The following PUDP variants were observed in gnomAD, a reference collection of about 807,000 sequenced individuals.
The protein encoded by PUDP is pseudouridine-5'-phosphatase.
Under a neutral mutation model 9.4 loss-of-function variants are expected in PUDP, and 8 were observed. That is an observed-to-expected ratio of 0.85 (90% CI 0.50 to 1.53). The LOEUF is 1.53. PUDP is among the 40% of genes most tolerant of loss of function. The pLI is 0.00. For synonymous variants in PUDP, 99 were observed against 80.7 expected (o/e 1.23, Z -1.22); for missense variants, 188 against 189.7 (o/e 0.99, Z 0.05).
At chrX:6,974,593 T>C (rs1177276712) in intron 3 of PUDP, among the ~76,000 whole-genome samples, 1 of 112,319 alleles carries the variant, frequency 8.9e-6, no homozygotes, top group East Asian at 2.8e-4. Context: ...GTTAGTCTGA[T>C]GGGCTTCCCT....
intron 3 of PUDP, among the ~76,000 whole-genome samples, chrX:6,907,364 AG>A (rs1218832298): frequency 1.8e-5 from 2 of 111,767 alleles, no homozygotes; most frequent in African/African-American, 6.5e-5. Context: ...ACCGAATCTC[AG>A]GTGTGTCCTT....
chrX:6,913,337 T>A (rs1927876364), intron 3 of PUDP, among the ~76,000 whole-genome samples: 1 of 112,002 alleles, frequency 8.9e-6, no homozygotes, highest in Non-Finnish European at 1.9e-5. Flanking sequence ...ATATTTTGGA[T>A]CTACAAAACT....
chrX:6,948,507 C>T (rs1342269376), intron 3 of PUDP, among the ~76,000 whole-genome samples: 1 of 111,904 alleles, frequency 8.9e-6, no homozygotes, highest in Non-Finnish European at 1.9e-5. Context: ...CACATATCCA[C>T]TGGGGAGTTT....
chrX:7,135,714 C>G (rs1185725857), intron 1 of PUDP, among the ~76,000 whole-genome samples: 1 of 112,038 alleles, frequency 8.9e-6, no homozygotes. Flanking sequence ...TTTAGTGGTT[C>G]ATGCTTAAGA....
chrX:7,097,792 T>C (rs1931615068), intron 2 of PUDP, among the ~76,000 whole-genome samples: 1 of 111,147 alleles, frequency 9.0e-6, no homozygotes, highest in African/African-American at 3.3e-5. Context: ...GGTGTATCTG[T>C]TAACAGCCAG....
chrX:6,896,350 A>G (rs1415325646), intron 3 of PUDP, among the ~76,000 whole-genome samples: 1 of 112,080 alleles, frequency 8.9e-6, no homozygotes, highest in Non-Finnish European at 1.9e-5. Flanking sequence ...GTGAATTTGA[A>G]CATCTAATGT....
At chrX:6,771,954 C>A (rs759273378) in intron 3 of PUDP, among the ~76,000 whole-genome samples, 1 of 112,658 alleles carries the variant, frequency 8.9e-6, no homozygotes, top group Admixed American at 9.4e-5. Flanking sequence ...CCTCCAAACC[C>A]TCAACAAAAA....
At chrX:6,833,198 T>C (rs1926530323) in intron 3 of PUDP, among the ~76,000 whole-genome samples, 1 of 112,520 alleles carries the variant, frequency 8.9e-6, no homozygotes, top group Non-Finnish European at 1.9e-5. Flanking sequence ...CATATACTTA[T>C]GAAGTTTATA....
intron 1 of PUDP, among the ~76,000 whole-genome samples, chrX:7,001,743 C>T (rs1929327542): frequency 9.0e-6 from 1 of 111,145 alleles, no homozygotes; most frequent in African/African-American, 3.3e-5. Context: ...GGTACTAGGA[C>T]AAGGGGTTAT....
At chrX:6,978,662 C>A (rs776578223) in intron 1 of PUDP, among the ~76,000 whole-genome samples, 2 of 112,143 alleles carry the variant, frequency 1.8e-5, no homozygotes, top group Non-Finnish European at 3.8e-5. Flanking sequence ...AAAAGAATAA[C>A]TAAAAAATCT....
intron 3 of PUDP, among the ~76,000 whole-genome samples, chrX:6,758,908 G>A (rs1217891377): frequency 3.6e-5 from 4 of 111,940 alleles, no homozygotes; most frequent in Non-Finnish European, 7.5e-5. Flanking sequence ...GCACATGTAG[G>A]CTATGATTAC....
Position 7,003,402 on chromosome X carries a change from G to A in PUDP, c.205-25059C>T, listed in dbSNP as rs190944975. ...TTCTGTGACTCAAGGTGTTGGGTGC[G>A]GTGGCCAATGTATTGTGAGTCCTGA... On this transcript the variant is annotated intron_variant and NMD_transcript_variant, in intron 1 of 3. Coordinates refer to the PUDP transcript ENST00000655425. Among the ~76,000 whole-genome samples, 147 of 111,032 alleles carry A rather than the reference G, an allele frequency of 1.3e-3. 1 individual carries two copies. The highest frequency in any genetic ancestry group is 9.3e-4 in the Non-Finnish European group (49 of 52,969).
chrX:7,040,082 A>G (rs1929901566), intron 1 of PUDP, among the ~76,000 whole-genome samples: 1 of 112,187 alleles, frequency 8.9e-6, no homozygotes, highest in African/African-American at 3.2e-5. Flanking sequence ...TGCCATTTTC[A>G]TATAACTCTC....
chrX:6,941,163 T>C (rs895595617), intron 3 of PUDP, among the ~76,000 whole-genome samples: 2 of 110,840 alleles, frequency 1.8e-5, no homozygotes, highest in Non-Finnish European at 3.8e-5. Context: ...ATTGTGTATC[T>C]ACTATGTACC....
intron 2 of PUDP, among the ~76,000 whole-genome samples, chrX:7,104,203 T>C (rs1296144782): frequency 2.7e-5 from 3 of 112,227 alleles, no homozygotes; most frequent in South Asian, 3.7e-4. Context: ...TAACATACCA[T>C]AGAATATTGT....
At chrX:6,741,828 CTCTT>C (rs1186498408) in intron 3 of PUDP, among the ~76,000 whole-genome samples, 855 of 69,332 alleles carry the variant, frequency 0.012, 6 homozygotes, top group Non-Finnish European at 0.016. Flanking sequence ...CTCTCTCTCT[CTCTT>C]TCTTTCTTTC....
intron 3 of PUDP, among the ~76,000 whole-genome samples, chrX:6,914,303 CTGTTTTCT>C (rs1343728381): frequency 1.8e-5 from 2 of 111,486 alleles, no homozygotes; most frequent in Non-Finnish European, 3.8e-5. Context: ...GATGGACACA[CTGTTTTCT>C]TGTTTTCTTG....
chrX:6,755,106 C>G (rs1174501710), intron 3 of PUDP, among the ~76,000 whole-genome samples: 1 of 111,538 alleles, frequency 9.0e-6, no homozygotes, highest in African/African-American at 3.3e-5. Context: ...AGAGAAGCTT[C>G]ATTCAGGCAT....
intron 3 of PUDP, among the ~76,000 whole-genome samples, chrX:6,943,035 C>T (rs769286423): frequency 9.8e-5 from 11 of 112,134 alleles, no homozygotes; most frequent in Non-Finnish European, 1.9e-4. Context: ...CAAATGAAAC[C>T]GATGCACCCA....
Sources: gnomAD v4.1 joint callset for allele counts (sites outside exome capture counted in the v4.1 genomes callset) on GRCh38, gnomAD v4.1.1 for gene constraint, MANE v1.5 for transcripts, NCBI Gene and HGNC (gene_info 2026-07-23, HGNC 2026-07-21) for gene names.